KIRREL1: variants seen among roughly 807,000 people sequenced by gnomAD.
KIRREL1 encodes the protein kin of IRRE-like protein 1.
A neutral mutation model predicts 83.3 loss-of-function variants in KIRREL1; 25 were observed. The ratio of observed to expected loss-of-function variants is 0.30; its 90% CI spans 0.22 to 0.42. The LOEUF (loss-of-function observed/expected upper bound fraction) is 0.42, where lower values mean the gene tolerates loss of function less well. Ranked by LOEUF, KIRREL1 falls within the 10% of genes least tolerant of loss-of-function variation. The probability of loss-of-function intolerance (pLI) is 1.00; values close to 1 mark genes in which losing one functional copy is unlikely to be tolerated. For missense variants in KIRREL1, 812 were observed against 1,032.3 expected (o/e 0.79, Z 2.92); for synonymous variants, 388 against 410.4 (o/e 0.95, Z 0.66).
chr1:158,015,691 A>G (rs9628667), intron 1 of KIRREL1, among the ~76,000 whole-genome samples: 145,416 of 152,280 alleles, frequency 0.95, 69,557 homozygotes, highest in East Asian at 1. Flanking sequence ...AAATTGTATC[A>G]TGAATTTTGA....
intron 1 of KIRREL1, among the ~76,000 whole-genome samples, chr1:157,999,095 A>G (rs2101618101): frequency 6.6e-6 from 1 of 152,258 alleles, no homozygotes; most frequent in East Asian, 1.9e-4. Flanking sequence ...GAAGGACAGG[A>G]GGGAAGCCTA....
Position 158,094,174 on chromosome 1 carries a change from A to T in KIRREL1, c.1720-139A>T. ...CCACCACATCCCAGAGCCTCTGCTG[A>T]GAGGACCAGAACTCAAGTCTGCCCT... On this transcript the variant is annotated intron_variant, in intron 13 of 14. Transcript: ENST00000359209. The surrounding 1 kb of genome is among the most constrained non-coding windows in gnomAD (Gnocchi z 4.6). 1.4e-6 allele frequency: 1 copy of T among 732,120 alleles called. No homozygotes were observed. Among genetic ancestry groups the T allele is most frequent in the Non-Finnish European group, 2.4e-6 (1 of 411,158 alleles). The allele number at this position is 732,120 out of a possible 1,614,324, so 45.4% of individuals were successfully genotyped here. A position where few individuals can be genotyped will look rare whatever the true frequency, so the allele number is the denominator to read the frequency against.
At position 158,093,717 on chromosome 1, in the gene KIRREL1, C is replaced by T. The variant is rs769897018; in HGVS notation, c.1674C>T (p.Thr558=). The change falls in exon 13 of 15, where the codon ACC becomes ACT. Residue 558 remains threonine (T), a synonymous_variant. Coordinates refer to ENST00000359209, the MANE Select transcript of KIRREL1 (RefSeq NM_018240.7). ...LTMHSDREDD[T]ASVSTATRVM... ...TGCATTCTGACCGGGAGGATGACACCGCCAGCGTCTCCACAGCAACCCGGG... is the reference window on the plus strand; with the variant it reads ...TGCATTCTGACCGGGAGGATGACACTGCCAGCGTCTCCACAGCAACCCGGG... 60 of 1,614,060 alleles carry T rather than the reference C, an allele frequency of 3.7e-5. No individual in the cohort carries two copies. The highest frequency in any genetic ancestry group is 3.7e-4 in the Admixed American group (22 of 59,998).
At chr1:158,028,998 C>A (rs1660245431) in intron 1 of KIRREL1, among the ~76,000 whole-genome samples, 1 of 152,168 alleles carries the variant, frequency 6.6e-6, no homozygotes. Context: ...TCTGTTCAAA[C>A]CTTTATTAAA....
chr1:158,027,442 G>A (rs1215301500), intron 1 of KIRREL1, among the ~76,000 whole-genome samples: 2 of 152,196 alleles, frequency 1.3e-5, no homozygotes, highest in African/African-American at 2.4e-5. Flanking sequence ...GGTCACTGGT[G>A]ATCAACTTAA....
chr1:158,015,057 T>C (rs970654170), intron 1 of KIRREL1, among the ~76,000 whole-genome samples: 1 of 152,196 alleles, frequency 6.6e-6, no homozygotes, highest in Admixed American at 6.5e-5. Flanking sequence ...TGAAGAAATT[T>C]TTTTTTATTG....
intron 1 of KIRREL1, among the ~76,000 whole-genome samples, chr1:158,056,465 A>G (rs1661064462): frequency 2.6e-5 from 4 of 152,154 alleles, no homozygotes; most frequent in Non-Finnish European, 5.9e-5. Flanking sequence ...AGAGCCCCCA[A>G]AGGCTGATGC....
At chr1:158,003,402 A>G (rs1272219426) in intron 1 of KIRREL1, among the ~76,000 whole-genome samples, 1 of 152,182 alleles carries the variant, frequency 6.6e-6, no homozygotes, top group Admixed American at 6.5e-5. Context: ...TTTCATCGAG[A>G]CAGTGGGACT....
At chr1:158,043,375 G>C (rs1173694411) in intron 1 of KIRREL1, among the ~76,000 whole-genome samples, 1 of 151,662 alleles carries the variant, frequency 6.6e-6, no homozygotes, top group Non-Finnish European at 1.5e-5. Flanking sequence ...CTCCATTCCT[G>C]CTCAGATGTG....
At chr1:158,018,881 T>G (rs895772608) in intron 1 of KIRREL1, among the ~76,000 whole-genome samples, 7 of 152,330 alleles carry the variant, frequency 4.6e-5, no homozygotes, top group African/African-American at 1.7e-4. Flanking sequence ...TGAACCAATT[T>G]TATTATTAGC....
chr1:158,052,605 C>G (rs1660937903), intron 1 of KIRREL1, among the ~76,000 whole-genome samples: 1 of 151,378 alleles, frequency 6.6e-6, no homozygotes. Context: ...CACTGAAACC[C>G]CATCTCTACT....
At chr1:158,080,209 G>A (rs73024656) in intron 3 of KIRREL1, among the ~76,000 whole-genome samples, 2,527 of 152,198 alleles carry the variant, frequency 0.017, 55 homozygotes, top group African/African-American at 0.057. Context: ...GGCCCTAGAA[G>A]GTGCTACTGC....
Position 158,096,301 on chromosome 1 carries a change from A to G in KIRREL1, c.*1181A>G, listed in dbSNP as rs553157265. ...CCTGGCTCTCAGTCTCTACTCTCCT[A>G]TGTCCCATCAGTTGGTTGGAGGCCA... On this transcript the variant is annotated 3_prime_UTR_variant, in exon 15 of 15. Transcript: ENST00000359209. 411 of 344,854 alleles carry G rather than the reference A, an allele frequency of 1.2e-3. 2 individuals are homozygous for G. Among genetic ancestry groups the G allele is most frequent in the South Asian group, 7.0e-3 (303 of 43,348 alleles). The allele number at this position is 344,854 out of a possible 1,614,324, so 21.4% of individuals were successfully genotyped here.
At chr1:158,010,402 C>T (rs1382327910) in intron 1 of KIRREL1, among the ~76,000 whole-genome samples, 2 of 96,482 alleles carry the variant, frequency 2.1e-5, no homozygotes, top group African/African-American at 8.2e-5. Context: ...TGCATACACA[C>T]ACACACACAC....
rs1479131437 is a variant in KIRREL1, at chr1:158,089,755, T to C, written c.1209T>C (p.Ala403=). 2.5e-6 allele frequency: 4 copies of C among 1,614,082 alleles called. No individual in the cohort carries two copies. The South Asian group carries it at 3.3e-5, about 13-fold the overall frequency. Reference sequence around the variant, plus strand: ...TCTCCAGTGAGGCAGTGCAGTATGCTGTGAGGGGTGACGGTGGCAAGGTGG... The same window carrying C: ...TCTCCAGTGAGGCAGTGCAGTATGCCGTGAGGGGTGACGGTGGCAAGGTGG... The part of the protein sequence containing the change: ...PIISSEAVQY[A]VRGDGGKVEC... The change falls in exon 10 of 15, where the codon GCT becomes GCC. Residue 403 remains alanine (A), a synonymous_variant. Transcript: ENST00000359209.
At chr1:158,046,249 G>A (rs1184750379) in intron 1 of KIRREL1, among the ~76,000 whole-genome samples, 1 of 152,190 alleles carries the variant, frequency 6.6e-6, no homozygotes, top group African/African-American at 2.4e-5. Context: ...GAACCAGCAG[G>A]ACTTCCTTAT....
chr1:158,057,144 A>G, intron 1 of KIRREL1, among the ~76,000 whole-genome samples: 1 of 152,154 alleles, frequency 6.6e-6, no homozygotes. Flanking sequence ...TAGATGGGAT[A>G]GAGGTGTGAG....
At chr1:158,049,555 A>T (rs1660860384) in intron 1 of KIRREL1, among the ~76,000 whole-genome samples, 1 of 152,240 alleles carries the variant, frequency 6.6e-6, no homozygotes, top group South Asian at 2.1e-4. Flanking sequence ...ATGGAGAGCC[A>T]TTGAAAGGTT....
rs576900985 is a variant in KIRREL1 at position 158,054,297 on chromosome 1, A to G, written c.53-21816A>G. ...ACTGAGGGTGGGTGAGGGCAGGACC[A>G]AAGGGGAGGCTGCTTAACCATGATG... On this transcript the variant is annotated intron_variant, in intron 1 of 14. Transcript: ENST00000359209. Among the ~76,000 whole-genome samples the G allele has an allele frequency of 2.0e-5, 3 of 151,774 alleles. No individual in the cohort carries two copies. In the South Asian group the frequency reaches 6.3e-4, roughly 32 times the overall value.
Sources: gnomAD v4.1 joint callset for allele counts (sites outside exome capture counted in the v4.1 genomes callset) on GRCh38, gnomAD v4.1.1 for gene constraint, Gnocchi (gnomAD v3.1) non-coding constraint, MANE v1.5 for transcripts, NCBI Gene and HGNC (gene_info 2026-07-23, HGNC 2026-07-21) for gene names.